The following ZDHHC7 variants were observed in gnomAD, a reference collection of about 807,000 sequenced individuals.
ZDHHC7 encodes the protein palmitoyltransferase ZDHHC7.
A neutral mutation model predicts 34.1 loss-of-function variants in ZDHHC7; 12 were observed. The ratio of observed to expected loss-of-function variants is 0.35; its 90% CI spans 0.23 to 0.57. The LOEUF (loss-of-function observed/expected upper bound fraction) is 0.57, where lower values mean the gene tolerates loss of function less well. Ranked by LOEUF, ZDHHC7 falls within the 20% of genes least tolerant of loss-of-function variation. The probability of loss-of-function intolerance (pLI) is 0.84; values close to 1 mark genes in which losing one functional copy is unlikely to be tolerated. For synonymous variants in ZDHHC7, 185 were observed against 155.4 expected, an observed-to-expected ratio of 1.19 and a Z score of -1.42; for missense variants, 388 against 402.7, an observed-to-expected ratio of 0.96 and a Z score of 0.31.
At chr16:84,988,649 T>C (rs1332878835) in intron 3 of ZDHHC7, 1 of 880,170 alleles carries the variant, frequency 1.1e-6, no homozygotes, top group Non-Finnish European at 1.8e-6. Context: ...TGAGTAGCTG[T>C]AGAGTCTGAG....
At chr16:85,004,570 G>C (rs1303014164) in intron 1 of ZDHHC7, among the ~76,000 whole-genome samples, 1 of 87,050 alleles carries the variant, frequency 1.1e-5, no homozygotes, top group Non-Finnish European at 2.2e-5. Flanking sequence ...GGCCTAGAAA[G>C]CCCCACTCCA....
intron 5 of ZDHHC7, 30 bp downstream of exon 5, chr16:84,979,148 CAAATTCAATGT>C: frequency 6.4e-7 from 1 of 1,562,930 alleles, no homozygotes; most frequent in Non-Finnish European, 8.7e-7. Context: ...TAAAGAATTT[CAAATTCAATGT>C]AAATTCAATA....
chr16:84,978,084 C>A, intron 5 of ZDHHC7, 79 bp from the exon 6 acceptor site: 1 of 1,207,084 alleles, frequency 8.3e-7, no homozygotes, highest in South Asian at 1.3e-5. Flanking sequence ...GTTGTCCAGG[C>A]TGGAATGCAG....
chr16:84,977,844 T>C (rs1367280538), intron 6 of ZDHHC7, 80 bp downstream of exon 6: 1 of 1,143,620 alleles, frequency 8.7e-7, no homozygotes, highest in Non-Finnish European at 1.3e-6. Flanking sequence ...ATTGGAAAAC[T>C]GGTTCTTCCT....
intron 1 of ZDHHC7, among the ~76,000 whole-genome samples, chr16:85,003,226 G>A (rs948554509): frequency 2.6e-4 from 40 of 152,166 alleles, no homozygotes; most frequent in Non-Finnish European, 5.6e-4. Context: ...AGACTCAGAG[G>A]AAGTGAGGGG....
Position 84,977,969 on chromosome 16 carries a change from G to A in ZDHHC7, c.574C>T (p.Leu192Phe). The change falls in exon 6 of 8, where the codon CTT (leucine) becomes TTT (phenylalanine). Residue 192 changes from leucine (L) to phenylalanine (F), a missense_variant. By Grantham distance (22) the Leu-to-Phe change is conservative. Coordinates refer to ENST00000313732, the MANE Select transcript of ZDHHC7 (RefSeq NM_017740.3). The stretch of plus-strand genomic sequence containing the variant: ...CAGGAGATGAACTGAAATCCACAAA[G>A]GATCAGAGCATGGACTGAAGACAGA... ...IALSSVHALI[L>F]CGFQFISCVR... 1 of 1,614,052 alleles carries A rather than the reference G, an allele frequency of 6.2e-7. No homozygotes were observed. Among genetic ancestry groups the A allele is most frequent in the Non-Finnish European group, 8.5e-7 (1 of 1,179,962 alleles).
At chr16:84,996,445 G>A (rs1251420347) in intron 1 of ZDHHC7, among the ~76,000 whole-genome samples, 3 of 152,096 alleles carry the variant, frequency 2.0e-5, no homozygotes, top group Non-Finnish European at 2.9e-5. Context: ...TGTGGGAGGG[G>A]CGAGGAGGTG....
Position 84,977,143 on chromosome 16 carries a change from A to G in ZDHHC7, c.702T>C (p.Thr234=), listed in dbSNP as rs2072309121. ...GGATTTGGGTGCCAAACATAACTGCAGTGAAAGTGAAAAACAGAAGACCCT... is the reference window on the plus strand; with the variant it reads ...GGATTTGGGTGCCAAACATAACTGCGGTGAAAGTGAAAAACAGAAGACCCT... ...CLEGLLFFTF[T]AVMFGTQIHS... is the part of the protein sequence containing the mutation. The change falls in exon 7 of 8, where the codon ACT becomes ACC. Residue 234 remains threonine, a synonymous_variant. Transcript: ENST00000313732. 1.9e-6 allele frequency: 3 copies of G among 1,614,254 alleles called. No homozygotes were observed. The highest frequency in any genetic ancestry group is 1.3e-5 in the African/African-American group (1 of 75,062).
At chr16:84,997,895 T>TAA (rs751166134) in intron 1 of ZDHHC7, among the ~76,000 whole-genome samples, 53 of 64,344 alleles carry the variant, frequency 8.2e-4, no homozygotes, top group South Asian at 2.2e-3. Context: ...AGACTCCGTC[T>TAA]AAAAAAAAAA....
intron 3 of ZDHHC7, among the ~76,000 whole-genome samples, chr16:84,983,031 G>A (rs2072390902): frequency 6.6e-6 from 1 of 152,216 alleles, no homozygotes; most frequent in African/African-American, 2.4e-5. Context: ...AGACAATTCT[G>A]GGAGCTGTGG....
At chr16:85,018,421 T>C in the ZDHHC7 span, among the ~76,000 whole-genome samples, 2 of 151,758 alleles carry the variant, frequency 1.3e-5, 1 homozygote, top group Admixed American at 1.3e-4. Flanking sequence ...TAGGTAAAAA[T>C]TCATTCAGTT....
intron 3 of ZDHHC7, among the ~76,000 whole-genome samples, chr16:84,984,466 T>C (rs1597537787): frequency 2.0e-5 from 3 of 152,042 alleles, no homozygotes; most frequent in African/African-American, 7.3e-5. Flanking sequence ...ATTTTAAAAC[T>C]CCAAACACCG....
intron 1 of ZDHHC7, chr16:85,005,103 G>A (rs1354543842): frequency 6.6e-6 from 1 of 152,152 alleles, no homozygotes; most frequent in Admixed American, 6.6e-5. Context: ...AAAAATCCCA[G>A]CATGGTAACT....
intron 1 of ZDHHC7, among the ~76,000 whole-genome samples, chr16:85,002,415 G>C (rs1295932313): frequency 6.6e-6 from 1 of 152,170 alleles, no homozygotes; most frequent in African/African-American, 2.4e-5. Flanking sequence ...ACACAGCCTT[G>C]ACAGGCTGTG....
chr16:85,018,720 G>GT, the ZDHHC7 span, among the ~76,000 whole-genome samples: 1 of 152,154 alleles, frequency 6.6e-6, no homozygotes, highest in Non-Finnish European at 1.5e-5. Flanking sequence ...AAAGTGCTGA[G>GT]ATTACAGGCA....
At chr16:84,988,127 C>A (rs917101191) in intron 3 of ZDHHC7, among the ~76,000 whole-genome samples, 3 of 152,026 alleles carry the variant, frequency 2.0e-5, no homozygotes, top group Non-Finnish European at 2.9e-5. Flanking sequence ...GCCAAGATCG[C>A]GCCACTGCAC....
At position 84,977,229 on chromosome 16, in the gene ZDHHC7, C is replaced by A. The variant is rs541409742; in HGVS notation, c.620-4G>T. On this transcript the variant is annotated splice_polypyrimidine_tract_variant and splice_region_variant and intron_variant, in intron 6 of 7. Coordinates refer to ENST00000313732, the MANE Select transcript of ZDHHC7 (RefSeq NM_017740.3). The stretch of plus-strand genomic sequence containing the variant: ...GGAGGTGAAAAATCACTGCATTCTG[C>A]GGACAAGAGGAAGTTGGTTATAACT... 6.2e-7 allele frequency: 1 copy of A among 1,613,824 alleles called. No individual in the cohort carries two copies. Among genetic ancestry groups the A allele is most frequent in the South Asian group, 1.1e-5 (1 of 91,054 alleles).
Position 84,981,898 on chromosome 16 carries a change from T to C in ZDHHC7, c.412A>G (p.Ile138Val). The C allele has an allele frequency of 6.2e-7, 1 of 1,614,168 alleles. No individual in the cohort carries two copies. The highest frequency in any genetic ancestry group is 8.5e-7 in the Non-Finnish European group (1 of 1,180,020). ...VIYKCPKCCC[I>V]KPERAHHCSI... Reference sequence around the variant, plus strand: ...CAGTGGTGGGCGCGCTCGGGTTTAATACAGCAGCACTTGGGGCACTTGTAG... The same window carrying C: ...CAGTGGTGGGCGCGCTCGGGTTTAACACAGCAGCACTTGGGGCACTTGTAG... The change falls in exon 4 of 8, where the codon ATT (isoleucine) becomes GTT (valine). Residue 138 changes from isoleucine (I) to valine (V), a missense_variant. Ile to Val is a conservative substitution (Grantham distance 29). Transcript: ENST00000313732.
At chr16:85,020,494 G>C in the ZDHHC7 span, among the ~76,000 whole-genome samples, 3 of 152,274 alleles carry the variant, frequency 2.0e-5, no homozygotes, top group Middle Eastern at 3.4e-3. Context: ...ACTTGGTCTG[G>C]AGGTCACATG....
Sources: gnomAD v4.1 joint callset for allele counts (sites outside exome capture counted in the v4.1 genomes callset) on GRCh38, gnomAD v4.1.1 for gene constraint, MANE v1.5 for transcripts, NCBI Gene and HGNC (gene_info 2026-07-23, HGNC 2026-07-21) for gene names.